The following CCSER1 variants were observed in gnomAD, a reference collection of about 807,000 sequenced individuals.
CCSER1 encodes coiled-coil serine rich protein 1, also known as serine-rich coiled-coil domain-containing protein 1.
Under a neutral mutation model 82.0 loss-of-function variants are expected in CCSER1, and 41 were observed. That is an observed-to-expected ratio of 0.50 (90% CI 0.39 to 0.65). CCSER1 has a LOEUF of 0.65. Among genes scored for constraint, CCSER1 ranks in the 30% least tolerant of loss-of-function variants. The pLI is 0.00. For missense variants in CCSER1, 1,119 were observed against 1,064.2 expected (o/e 1.05, Z -0.72); for synonymous variants, 414 against 383.9 (o/e 1.08, Z -0.92).
intron 5 of CCSER1, among the ~76,000 whole-genome samples, chr4:90,551,700 C>CTA (rs1226739623): frequency 7.7e-5 from 9 of 117,182 alleles, no homozygotes; most frequent in African/African-American, 2.5e-4. Flanking sequence ...CTCTCTCTCT[C>CTA]TCTCTCTATA....
chr4:90,360,119 A>G (rs1021833747), intron 3 of CCSER1, among the ~76,000 whole-genome samples: 3 of 147,950 alleles, frequency 2.0e-5, no homozygotes, highest in Non-Finnish European at 3.0e-5. Flanking sequence ...GGTTTTCACT[A>G]TGTTGGCCAG....
chr4:90,857,874 A>G (rs1003436032), intron 8 of CCSER1, among the ~76,000 whole-genome samples: 2 of 152,066 alleles, frequency 1.3e-5, no homozygotes, highest in Non-Finnish European at 2.9e-5. Flanking sequence ...CTAAATGAGT[A>G]GATTGCAGCT....
At chr4:90,179,378 G>A (rs375798157) in intron 1 of CCSER1, among the ~76,000 whole-genome samples, 18 of 152,096 alleles carry the variant, frequency 1.2e-4, no homozygotes, top group East Asian at 7.7e-4. Context: ...GATATTTTCC[G>A]AAGTATAATT....
At chr4:91,287,337 T>G (rs1743353933) in intron 10 of CCSER1, among the ~76,000 whole-genome samples, 1 of 152,014 alleles carries the variant, frequency 6.6e-6, no homozygotes, top group Admixed American at 6.6e-5. Flanking sequence ...TATTCCCTTT[T>G]CTTTTCAATT....
intron 1 of CCSER1, among the ~76,000 whole-genome samples, chr4:90,237,639 A>C (rs1746043408): frequency 6.6e-6 from 1 of 152,220 alleles, no homozygotes; most frequent in South Asian, 2.1e-4. Flanking sequence ...ACTATATGGG[A>C]AGTCTTTGGA....
chr4:90,213,627 A>G (rs1034525950), intron 1 of CCSER1, among the ~76,000 whole-genome samples: 4 of 152,174 alleles, frequency 2.6e-5, no homozygotes, highest in Admixed American at 2.6e-4. Context: ...AAGAAGAACC[A>G]GCAAATGCTT....
chr4:90,973,171 A>G (rs1309630721), intron 9 of CCSER1, among the ~76,000 whole-genome samples: 1 of 151,718 alleles, frequency 6.6e-6, no homozygotes, highest in Non-Finnish European at 1.5e-5. Context: ...AGGTTTTTTC[A>G]TCACAGCAAA....
At chr4:91,437,521 A>C (rs927893794) in intron 10 of CCSER1, among the ~76,000 whole-genome samples, 2 of 152,236 alleles carry the variant, frequency 1.3e-5, no homozygotes, top group African/African-American at 2.4e-5. Context: ...GAATAGGAAC[A>C]GCTCCGGTCT....
intron 10 of CCSER1, among the ~76,000 whole-genome samples, chr4:91,571,911 G>A (rs1040965612): frequency 7.9e-5 from 12 of 152,018 alleles, no homozygotes; most frequent in Admixed American, 7.2e-4. Context: ...TCCTCTCCTT[G>A]GGTCTACTGC....
chr4:90,411,549 A>G (rs1449275514), intron 4 of CCSER1, among the ~76,000 whole-genome samples: 5 of 152,226 alleles, frequency 3.3e-5, no homozygotes, highest in African/African-American at 1.2e-4. Context: ...TAGATGCAGA[A>G]AAGGCCTTTG....
chr4:91,212,458 A>C (rs1736897470), intron 10 of CCSER1, among the ~76,000 whole-genome samples: 1 of 151,846 alleles, frequency 6.6e-6, no homozygotes, highest in African/African-American at 2.4e-5. Context: ...GTCTGATATA[A>C]TTTTCTGGTG....
chr4:91,248,582 A>G (rs1560542026), intron 10 of CCSER1, among the ~76,000 whole-genome samples: 1 of 152,180 alleles, frequency 6.6e-6, no homozygotes, highest in Non-Finnish European at 1.5e-5. Flanking sequence ...AAATACCTCA[A>G]CAGTACCCCT....
chr4:90,778,127 C>A (rs1753192668), intron 7 of CCSER1, among the ~76,000 whole-genome samples: 1 of 152,134 alleles, frequency 6.6e-6, no homozygotes, highest in African/African-American at 2.4e-5. Flanking sequence ...AACATAACCA[C>A]TATTTTTGCC....
At chr4:90,410,242 G>C (rs988536085) in intron 4 of CCSER1, among the ~76,000 whole-genome samples, 1 of 152,092 alleles carries the variant, frequency 6.6e-6, no homozygotes, top group African/African-American at 2.4e-5. Context: ...AGTTAGCAAG[G>C]ATATCCAGCA....
At chr4:90,393,971 G>C (rs1265784011) in intron 3 of CCSER1, among the ~76,000 whole-genome samples, 1 of 151,072 alleles carries the variant, frequency 6.6e-6, no homozygotes, top group South Asian at 2.1e-4. Flanking sequence ...CAGAGAGGGG[G>C]GTCTCGCTGT....
chr4:91,497,481 T>C (rs560426596), intron 10 of CCSER1, among the ~76,000 whole-genome samples: 1 of 151,886 alleles, frequency 6.6e-6, no homozygotes, highest in East Asian at 1.9e-4. Context: ...GTGATATAGA[T>C]TATTTAATCT....
intron 10 of CCSER1, among the ~76,000 whole-genome samples, chr4:91,288,081 C>G (rs938891409): frequency 6.8e-6 from 1 of 147,436 alleles, no homozygotes; most frequent in Admixed American, 6.8e-5. Context: ...TATATACACT[C>G]ATATATATAT....
chr4:91,180,535 G>A (rs1432036059), intron 10 of CCSER1, among the ~76,000 whole-genome samples: 1 of 152,220 alleles, frequency 6.6e-6, no homozygotes, highest in Non-Finnish European at 1.5e-5. Context: ...CAGCCTGGCT[G>A]CTGCCTTGCA....
chr4:90,979,843 A>G (rs932277814), intron 9 of CCSER1, among the ~76,000 whole-genome samples: 6 of 151,844 alleles, frequency 4.0e-5, no homozygotes, highest in Admixed American at 3.3e-4. Context: ...GCCATAAAAC[A>G]TCAGAGTTAT....
Sources: gnomAD v4.1 joint callset for allele counts (sites outside exome capture counted in the v4.1 genomes callset) on GRCh38, gnomAD v4.1.1 for gene constraint, MANE v1.5 for transcripts, NCBI Gene and HGNC (gene_info 2026-07-23, HGNC 2026-07-21) for gene names.